The following CLCN5 variants were observed in gnomAD, a reference collection of about 807,000 sequenced individuals.
CLCN5 encodes Cl-/H+ antiporter 5, also known as H(+)/Cl(-) exchange transporter 5.
Under a neutral mutation model 54.0 loss-of-function variants are expected in CLCN5, and 17 were observed. The ratio of observed to expected loss-of-function variants is 0.31; its 90% confidence interval spans 0.22 to 0.47. The LOEUF (loss-of-function observed/expected upper bound fraction) is 0.47, where lower values mean the gene tolerates loss of function less well. Ranked by LOEUF, CLCN5 falls within the 20% of genes least tolerant of loss-of-function variation. The pLI is 1.00. For missense variants in CLCN5, 448 were observed against 646.7 expected (o/e 0.69, Z 3.33); for synonymous variants, 222 against 233.0 (o/e 0.95, Z 0.43).
At chrX:49,924,145 A>ATTT (rs34424526) in intron 2 of CLCN5, among the ~76,000 whole-genome samples, 1 of 84,475 alleles carries the variant, frequency 1.2e-5, no homozygotes, top group African/African-American at 4.5e-5. Flanking sequence ...CCTAGCTCCT[A>ATTT]TTTTTTTTTT....
rs1225120631 is a variant in CLCN5 at position 50,096,316 on chromosome X, G to GT, written c.*4104dup. 1.8e-5 allele frequency: 2 copies of GT among 111,126 alleles called. No homozygotes were observed. The highest frequency in any genetic ancestry group is 6.6e-5 in the African/African-American group (2 of 30,484). The allele number at this position is 111,126 out of a possible 1,213,427, so 9.2% of individuals were successfully genotyped here. A position where few individuals can be genotyped will look rare whatever the true frequency, so the allele number is the denominator to read the frequency against. On this transcript the variant is annotated 3_prime_UTR_variant, in exon 15 of 15. Coordinates refer to ENST00000376091, the MANE Select transcript of CLCN5 (RefSeq NM_001127898.4). The stretch of plus-strand genomic sequence containing the variant: ...TAAGTGTCCTAAAACCTTGTTTTTT[G>GT]TTTTTTTGTTTTTTGAGGAGTCGTC...
At chrX:49,938,582 C>T (rs1926136086) in intron 3 of CLCN5, among the ~76,000 whole-genome samples, 1 of 111,554 alleles carries the variant, frequency 9.0e-6, no homozygotes, top group South Asian at 3.7e-4. Flanking sequence ...AACTGGCTAG[C>T]CATATGTAGA....
chrX:50,010,415 T>C (rs1028361130), intron 3 of CLCN5, among the ~76,000 whole-genome samples: 1 of 110,089 alleles, frequency 9.1e-6, no homozygotes, highest in African/African-American at 3.3e-5. Context: ...TAATTTGTGT[T>C]TATTTTTTGT....
chrX:49,954,106 T>C (rs1340272524), intron 3 of CLCN5, among the ~76,000 whole-genome samples: 3 of 111,895 alleles, frequency 2.7e-5, no homozygotes, highest in Non-Finnish European at 3.8e-5. Flanking sequence ...ATTTTTAATG[T>C]CCATGAGTTT....
At chrX:50,007,359 C>G (rs782493811) in intron 3 of CLCN5, among the ~76,000 whole-genome samples, 1 of 107,250 alleles carries the variant, frequency 9.3e-6, no homozygotes, top group South Asian at 4.3e-4. Flanking sequence ...GCCAGATGCC[C>G]CCATCTTTAC....
chrX:50,068,897 T>G (rs1016517930), intron 4 of CLCN5, among the ~76,000 whole-genome samples: 1 of 112,237 alleles, frequency 8.9e-6, no homozygotes, highest in Non-Finnish European at 1.9e-5. Context: ...TTGTATTTTG[T>G]GTTTAATAGC....
At chrX:49,979,242 C>T (rs781852419) in intron 3 of CLCN5, among the ~76,000 whole-genome samples, 6 of 111,193 alleles carry the variant, frequency 5.4e-5, no homozygotes, top group Non-Finnish European at 1.1e-4. Flanking sequence ...TTCTTTTCTC[C>T]CTTTATTTTA....
chrX:50,073,998 T>C (rs1933316731), intron 6 of CLCN5, among the ~76,000 whole-genome samples: 1 of 111,484 alleles, frequency 9.0e-6, no homozygotes, highest in Non-Finnish European at 1.9e-5. Flanking sequence ...AGCTGCCTAA[T>C]AATAGACTGG....
At chrX:50,003,059 T>TTC (rs1255556127) in intron 3 of CLCN5, 1 of 306,974 alleles carries the variant, frequency 3.3e-6, no homozygotes, top group African/African-American at 2.6e-5. Context: ...CAAGCACACC[T>TTC]TCTCATTACA....
intron 3 of CLCN5, among the ~76,000 whole-genome samples, chrX:50,007,010 G>A (rs142887182): frequency 9.0e-6 from 1 of 111,197 alleles, no homozygotes; most frequent in African/African-American, 3.3e-5. Flanking sequence ...AGGCATCTAG[G>A]GATGTAGACC....
At chrX:49,989,732 G>C (rs782387615) in intron 3 of CLCN5, among the ~76,000 whole-genome samples, 39 of 111,582 alleles carry the variant, frequency 3.5e-4, no homozygotes, top group Non-Finnish European at 7.0e-4. Context: ...GTTATTGCCG[G>C]ATCTGATTTT....
chrX:50,093,522 T>C lies in CLCN5; in HGVS notation c.*1303T>C, dbSNP rs1467615508. 1 of 111,622 alleles carries C rather than the reference T, an allele frequency of 9.0e-6. No individual in the cohort carries two copies. The highest frequency in any genetic ancestry group is 3.3e-5 in the African/African-American group (1 of 30,540). 9.2% of individuals were successfully genotyped at this position (111,622 alleles called of 1,213,427 possible). A position where few individuals can be genotyped will look rare whatever the true frequency, so the allele number is the denominator to read the frequency against. Reference sequence around the variant, plus strand: ...TGACACCAAAGGTGCTTGTATCCAATTGAAAAGGTGCCTGTCTCAATTTCA... The same window carrying C: ...TGACACCAAAGGTGCTTGTATCCAACTGAAAAGGTGCCTGTCTCAATTTCA... On this transcript the variant is annotated 3_prime_UTR_variant, in exon 15 of 15. Transcript: ENST00000376091.
intron 3 of CLCN5, among the ~76,000 whole-genome samples, chrX:49,974,820 G>A (rs1189411327): frequency 8.9e-6 from 1 of 112,179 alleles, no homozygotes; most frequent in African/African-American, 3.2e-5. Context: ...TTGTGCAAGA[G>A]GTGGAAGGAT....
intron 10 of CLCN5, 89 bp downstream of exon 10, chrX:50,086,149 A>G (rs1200848179): frequency 1.2e-6 from 1 of 859,283 alleles, no homozygotes; most frequent in Non-Finnish European, 1.7e-6. Context: ...ATAATGTACA[A>G]TATCTGTGTA....
In CLCN5 at chrX:49,932,064, C is replaced by T. The variant is rs1371669098; in HGVS notation, c.16+6750C>T. On this transcript the variant is annotated intron_variant, in intron 3 of 14. Coordinates refer to ENST00000376091, the MANE Select transcript of CLCN5 (RefSeq NM_001127898.4). ...CTGAGTAGCCGGGTCTACAGGCACG[C>T]ACCACTATACTTGGCTAATTTTTGT... Among the ~76,000 whole-genome samples the T allele has an allele frequency of 4.5e-5, 5 of 111,537 alleles. No individual in the cohort carries two copies. The East Asian group carries it at 1.4e-3, about 32-fold the overall frequency.
At chrX:50,055,759 A>G (rs1170894554) in intron 4 of CLCN5, among the ~76,000 whole-genome samples, 4 of 111,803 alleles carry the variant, frequency 3.6e-5, no homozygotes, top group African/African-American at 1.3e-4. Flanking sequence ...ATTCAGTATG[A>G]TCCTTCCAGT....
At chrX:50,027,306 C>A (rs1182326308) in intron 3 of CLCN5, among the ~76,000 whole-genome samples, 1 of 111,592 alleles carries the variant, frequency 9.0e-6, no homozygotes, top group African/African-American at 3.3e-5. Flanking sequence ...GAGCAACCAA[C>A]CACGCCTGGC....
At chrX:49,963,816 A>G (rs2147309678) in intron 3 of CLCN5, among the ~76,000 whole-genome samples, 2 of 112,152 alleles carry the variant, frequency 1.8e-5, no homozygotes, top group East Asian at 5.6e-4. Flanking sequence ...GAGCTAAGGA[A>G]TGCCTGCATC....
At chrX:49,975,073 A>G (rs1322332970) in intron 3 of CLCN5, among the ~76,000 whole-genome samples, 1 of 112,268 alleles carries the variant, frequency 8.9e-6, no homozygotes, top group Admixed American at 9.4e-5. Flanking sequence ...AGACAAAACA[A>G]TGGTAATCAA....
Sources: allele counts gnomAD v4.1 joint callset (sites outside exome capture counted in the v4.1 genomes callset), GRCh38; gene constraint gnomAD v4.1.1; transcripts MANE v1.5; gene names NCBI Gene and HGNC (gene_info 2026-07-23, HGNC 2026-07-21).